The following DMP1 variants were observed in gnomAD, a reference collection of about 807,000 sequenced individuals.
DMP1 encodes the protein dentin matrix acidic phosphoprotein 1.
A neutral mutation model predicts 14.6 loss-of-function variants in DMP1; 20 were observed. The ratio of observed to expected loss-of-function variants is 1.37; its 90% confidence interval spans 0.96 to 1.99. The LOEUF is 1.99. DMP1 is among the 30% of genes most tolerant of loss of function. DMP1 has a pLI of 0.00. For missense variants in DMP1, 567 were observed against 620.5 expected (o/e 0.91, Z 0.92); for synonymous variants, 197 against 215.3 (o/e 0.91, Z 0.75).
At chr4:87,652,597 C>A (rs1205131994) in intron 1 of DMP1, among the ~76,000 whole-genome samples, 1 of 152,148 alleles carries the variant, frequency 6.6e-6, no homozygotes, top group Non-Finnish European at 1.5e-5. Context: ...CAAGTTAGGG[C>A]ATCTTTCTTG....
chr4:87,663,454 C>A lies in DMP1; in HGVS notation c.*134C>A. 2 of 1,330,270 alleles carry A rather than the reference C, an allele frequency of 1.5e-6. No individual in the cohort carries two copies. Among genetic ancestry groups the A allele is most frequent in the Non-Finnish European group, 2.1e-6 (2 of 945,268 alleles). The allele number at this position is 1,330,270 out of a possible 1,614,324, so 82.4% of individuals were successfully genotyped here. A position where few individuals can be genotyped will look rare whatever the true frequency, so the allele number is the denominator to read the frequency against. On this transcript the variant is annotated 3_prime_UTR_variant, in exon 6 of 6. Coordinates refer to ENST00000339673, the MANE Select transcript of DMP1 (RefSeq NM_004407.4). ...GCCATATTTTTCCTGAAAGGAATTG[C>A]TGGACATTACACTTGTTTTTAGGGT...
In DMP1 at chr4:87,664,051, T is replaced by C. The variant is rs542437018; in HGVS notation, c.*731T>C. 3.0e-5 allele frequency: 4 copies of C among 132,942 alleles called. No individual in the cohort carries two copies. Among genetic ancestry groups the C allele is most frequent in the East Asian group, 2.3e-4 (1 of 4,328 alleles). 8.2% of individuals were successfully genotyped at this position (132,942 alleles called of 1,614,324 possible). A position where few individuals can be genotyped will look rare whatever the true frequency, so the allele number is the denominator to read the frequency against. ...AAGAAAATCTTTTTCTCCCAATTAATTTACCAATTCATCATTTTTTTTTTT... is the reference window on the plus strand; with the variant it reads ...AAGAAAATCTTTTTCTCCCAATTAACTTACCAATTCATCATTTTTTTTTTT... On this transcript the variant is annotated 3_prime_UTR_variant, in exon 6 of 6. Coordinates refer to ENST00000339673, the MANE Select transcript of DMP1 (RefSeq NM_004407.4).
intron 3 of DMP1, among the ~76,000 whole-genome samples, chr4:87,658,570 CA>C (rs1166623890): frequency 6.6e-6 from 1 of 152,154 alleles, no homozygotes; most frequent in Non-Finnish European, 1.5e-5. Context: ...TGGATGTTAT[CA>C]AATGGATTTT....
At position 87,663,120 on chromosome 4, in the gene DMP1, C is replaced by G; in HGVS notation, c.1342C>G (p.His448Asp). ...AGCAGAGAGTCAGAGCGAGGAAAGC[C>G]ATTCTGAGGAAGACGACAGTGACTC... Reference protein sequence around the residue: ...SSAESQSEESHSEEDDSDSQD... With the variant: ...SSAESQSEESDSEEDDSDSQD... Residue 448 changes from histidine to aspartate, a missense_variant, in exon 6 of 6, where the codon CAT becomes GAT. Coordinates refer to ENST00000339673, the MANE Select transcript of DMP1 (RefSeq NM_004407.4). 1.2e-6 allele frequency: 2 copies of G among 1,614,126 alleles called. No homozygotes were observed. Among genetic ancestry groups the G allele is most frequent in the Non-Finnish European group, 1.7e-6 (2 of 1,180,028 alleles).
Position 87,663,038 on chromosome 4 carries a change from G to A in DMP1, c.1260G>A (p.Glu420=), listed in dbSNP as rs748358760. 12 of 1,614,050 alleles carry A rather than the reference G, an allele frequency of 7.4e-6. No homozygotes were observed. The highest frequency in any genetic ancestry group is 1.1e-5 in the South Asian group (1 of 91,084). ...TCAACTTCTCAGAGGAAAGCCCGGA[G>A]TCCCCTGAGGATGAGAACAGCTCCA... ...ESLNFSEESP[E]SPEDENSSSQ... The change falls in exon 6 of 6, where the codon GAG becomes GAA. Residue 420 remains glutamate, a synonymous_variant. Coordinates refer to ENST00000339673, the MANE Select transcript of DMP1 (RefSeq NM_004407.4).
At position 87,657,056 on chromosome 4, in the gene DMP1, T is replaced by C. The variant is rs150105108; in HGVS notation, c.79T>C (p.Ser27Pro). The change falls in exon 3 of 6, where the codon TCT becomes CCT. Residue 27 changes from serine (S) to proline (P), a missense_variant. Ser to Pro is a moderately conservative substitution (Grantham distance 74). Transcript: ENST00000339673. ...LPVTRYQNNE[S>P]EDSEEWKGHL... The stretch of plus-strand genomic sequence containing the variant: ...GGTAACCAGGTATCAAAATAATGAA[T>C]CTGAGGATTCTGAAGAATGGAAGGT... 92 of 1,557,750 alleles carry C rather than the reference T, an allele frequency of 5.9e-5. No homozygotes were observed. The East Asian group carries it at 1.3e-3, about 22-fold the overall frequency.
chr4:87,656,929 C>T, intron 2 of DMP1, 103 bp from the exon 3 acceptor site: 2 of 772,374 alleles, frequency 2.6e-6, no homozygotes, highest in Admixed American at 1.9e-5. Flanking sequence ...GATTCTGATG[C>T]AGCCTAAAAT....
At position 87,658,299 on chromosome 4, in the gene DMP1, C is replaced by T. The variant is rs1728757316; in HGVS notation, c.103-921C>T. On this transcript the variant is annotated intron_variant, in intron 3 of 5. Transcript: ENST00000339673. ...ACATGTCAATAGCAGCTCCTCCCTG[C>T]TCTACTTTGCGCCTTGGGTGTTCCA... Among the ~76,000 whole-genome samples the T allele has an allele frequency of 2.0e-5, 3 of 152,372 alleles. No homozygotes were observed. The South Asian group carries it at 6.2e-4, about 32-fold the overall frequency.
At chr4:87,660,356 A>G (rs1188339512) in intron 5 of DMP1, among the ~76,000 whole-genome samples, 3 of 152,206 alleles carry the variant, frequency 2.0e-5, no homozygotes, top group Non-Finnish European at 2.9e-5. Context: ...CTGCTTGAGA[A>G]AGGGTAATGA....
rs1728720983 is a variant in DMP1, at chr4:87,657,073, A to G, written c.96A>G (p.Glu32=). Residue 32 remains glutamate, a synonymous_variant, in exon 3 of 6, where the codon GAA becomes GAG. Coordinates refer to ENST00000339673, the MANE Select transcript of DMP1 (RefSeq NM_004407.4). ...ATAATGAATCTGAGGATTCTGAAGAATGGAAGGTGAGTAGAAATATGACTT... is the reference window on the plus strand; with the variant it reads ...ATAATGAATCTGAGGATTCTGAAGAGTGGAAGGTGAGTAGAAATATGACTT... ...YQNNESEDSE[E]WKGHLAQAPT... 6.5e-7 allele frequency: 1 copy of G among 1,535,818 alleles called. No homozygotes were observed.
In DMP1 at chr4:87,661,962, G is replaced by A. The variant is rs770707161; in HGVS notation, c.184G>A (p.Ala62Thr). 7.4e-6 allele frequency: 12 copies of A among 1,614,108 alleles called. No individual in the cohort carries two copies. The highest frequency in any genetic ancestry group is 1.7e-4 in the Middle Eastern group (1 of 6,060). ...EGSKVSSEEQ[A>T]NEDPSDSTQS... ...CATATCTGTTAACCCCAAATTCTAGGCAAATGAAGACCCCAGTGACAGCAC... is the reference window on the plus strand; with the variant it reads ...CATATCTGTTAACCCCAAATTCTAGACAAATGAAGACCCCAGTGACAGCAC... The change falls in exon 6 of 6, where the codon GCA (alanine) becomes ACA (threonine). Residue 62 changes from alanine to threonine, a missense_variant and splice_region_variant. Transcript: ENST00000339673.
chr4:87,650,501 C>T (rs1019921107), intron 1 of DMP1, 117 bp downstream of exon 1: 4 of 152,226 alleles, frequency 2.6e-5, no homozygotes, highest in South Asian at 2.1e-4. Flanking sequence ...GGGAGAGCTG[C>T]GCTTTGGGTA....
intron 3 of DMP1, chr4:87,657,445 A>G: frequency 6.0e-6 from 1 of 167,244 alleles, no homozygotes; most frequent in South Asian, 1.6e-4. Flanking sequence ...ATGAGAGGAC[A>G]CTAGAGTCTC....
intron 1 of DMP1, among the ~76,000 whole-genome samples, chr4:87,654,042 G>A (rs749336139): frequency 1.3e-5 from 2 of 152,144 alleles, no homozygotes; most frequent in African/African-American, 2.4e-5. Context: ...TAGACCAAGT[G>A]GGGTGGCCCA....
chr4:87,661,651 T>TG (rs1728884923), intron 5 of DMP1, among the ~76,000 whole-genome samples: 1 of 150,986 alleles, frequency 6.6e-6, no homozygotes, highest in Admixed American at 6.6e-5. Context: ...CCAAGAGTTT[T>TG]TTTTTTTTTT....
In DMP1 at chr4:87,658,595, A is replaced by G. The variant is rs567996645; in HGVS notation, c.103-625A>G. Among the ~76,000 whole-genome samples, 4 of 152,326 alleles carry G rather than the reference A, an allele frequency of 2.6e-5. No individual in the cohort carries two copies. In the South Asian group the frequency reaches 8.3e-4, roughly 32 times the overall value. ...CAAATGGATTTTTTCTTTAGTTTATATCATGTTGAATAAATAGTTTTCGAG... is the reference window on the plus strand; with the variant it reads ...CAAATGGATTTTTTCTTTAGTTTATGTCATGTTGAATAAATAGTTTTCGAG... On this transcript the variant is annotated intron_variant, in intron 3 of 5. Coordinates refer to ENST00000339673, the MANE Select transcript of DMP1 (RefSeq NM_004407.4).
At chr4:87,661,061 C>T (rs1360297227) in intron 5 of DMP1, among the ~76,000 whole-genome samples, 1 of 152,034 alleles carries the variant, frequency 6.6e-6, no homozygotes, top group African/African-American at 2.4e-5. Context: ...TTGTTTGAGA[C>T]GGAGTCTCGC....
Position 87,663,506 on chromosome 4 carries a change from C to T in DMP1, c.*186C>T, listed in dbSNP as rs1328336841. 1 of 818,404 alleles carries T rather than the reference C, an allele frequency of 1.2e-6. No individual in the cohort carries two copies. The highest frequency in any genetic ancestry group is 1.9e-6 in the Non-Finnish European group (1 of 519,268). 50.7% of individuals were successfully genotyped at this position (818,404 alleles called of 1,614,324 possible). ...TCATCATTTCACAGAGGTTTAAATA[C>T]TGTGGAGTGACACCAGAACACAGCC... is the stretch of plus-strand genomic sequence containing the variant. On this transcript the variant is annotated 3_prime_UTR_variant, in exon 6 of 6. Coordinates refer to ENST00000339673, the MANE Select transcript of DMP1 (RefSeq NM_004407.4).
intron 1 of DMP1, among the ~76,000 whole-genome samples, chr4:87,652,425 G>A (rs1026860983): frequency 4.6e-5 from 7 of 152,138 alleles, no homozygotes; most frequent in African/African-American, 1.7e-4. Context: ...AGGGGTTTAA[G>A]ATCTGATTTT....
Sources: allele counts gnomAD v4.1 joint callset (sites outside exome capture counted in the v4.1 genomes callset), GRCh38; gene constraint gnomAD v4.1.1; transcripts MANE v1.5; gene names NCBI Gene and HGNC (gene_info 2026-07-23, HGNC 2026-07-21).